The following ETFB variants were observed in gnomAD, a reference collection of about 807,000 sequenced individuals.
ETFB encodes the protein beta-ETF.
A neutral mutation model predicts 25.6 loss-of-function variants in ETFB; 20 were observed. The observed-to-expected ratio is 0.78, with a 90% CI of 0.55 to 1.14. ETFB has a LOEUF of 1.14. Ranked by LOEUF, ETFB falls within the 50% of genes most tolerant of loss-of-function variation. The pLI is 0.00. For missense variants in ETFB, 286 were observed against 342.6 expected (o/e 0.83, Z 1.30); for synonymous variants, 142 against 146.7 (o/e 0.97, Z 0.23).
Position 51,364,474 on chromosome 19 carries a change from C to T in ETFB, c.57+1796G>A, listed in dbSNP as rs1369314300. Among the ~76,000 whole-genome samples, 3 of 152,290 alleles carry T rather than the reference C, an allele frequency of 2.0e-5. No homozygotes were observed. In the East Asian group the frequency reaches 5.8e-4, roughly 29 times the overall value. On this transcript the variant is annotated intron_variant, in intron 1 of 5. Transcript: ENST00000309244. ...TCTCCCTGAGCACACCAGAGACATCCATGTGCCAGGCTCTGTGCTGAGTGA... is the reference window on the plus strand; with the variant it reads ...TCTCCCTGAGCACACCAGAGACATCTATGTGCCAGGCTCTGTGCTGAGTGA...
At position 51,354,198 on chromosome 19, in the gene ETFB, C is replaced by G. The variant is rs764083482; in HGVS notation, c.168G>C (p.Lys56Asn). 5.6e-6 allele frequency: 9 copies of G among 1,614,168 alleles called. No individual in the cohort carries two copies. The highest frequency in any genetic ancestry group is 7.6e-6 in the Non-Finnish European group (9 of 1,180,026). Residue 56 changes from lysine to asparagine, a missense_variant, in exon 2 of 6, where the codon AAG becomes AAC. Physicochemically the swap from Lys to Asn is moderately conservative, Grantham distance 94. Coordinates refer to ENST00000309244, the MANE Select transcript of ETFB (RefSeq NM_001985.3). ...TGACGGCGATGACCTCCTTCACCAG[C>G]TTCTTCTCCTTGAGCCGCACAGCCT... is the stretch of plus-strand genomic sequence containing the variant. ...VEEAVRLKEK[K>N]LVKEVIAVSC...
chr19:51,360,313 A>T (rs1265133546), intron 1 of ETFB, among the ~76,000 whole-genome samples: 1 of 151,612 alleles, frequency 6.6e-6, no homozygotes, highest in East Asian at 1.9e-4. Context: ...GAGGGAGGAG[A>T]ATCACTTGAA....
chr19:51,349,447 C>T (rs368065535), intron 4 of ETFB, among the ~76,000 whole-genome samples: 17 of 134,176 alleles, frequency 1.3e-4, no homozygotes, highest in South Asian at 2.2e-4. Context: ...TGCCTTGCTT[C>T]TTTTTTTTTT....
At chr19:51,355,977 G>C (rs1303791255) in intron 1 of ETFB, 1 of 150,950 alleles carries the variant, frequency 6.6e-6, no homozygotes, top group African/African-American at 2.4e-5. Flanking sequence ...AGCATTAGGA[G>C]ATATACCTAA....
chr19:51,350,108 G>A (rs1190279772), intron 4 of ETFB: 11 of 517,670 alleles, frequency 2.1e-5, no homozygotes, highest in South Asian at 1.4e-4. Context: ...AGAGTTGAGC[G>A]GGTGGGCATG....
intron 2 of ETFB, 34 bp downstream of exon 2, chr19:51,354,116 A>G: frequency 6.2e-7 from 1 of 1,607,986 alleles, no homozygotes; most frequent in South Asian, 1.1e-5. Context: ...CGTCAGACCC[A>G]GGAGTCCAGC....
chr19:51,361,106 T>C (rs1986214509), intron 1 of ETFB, among the ~76,000 whole-genome samples: 1 of 151,888 alleles, frequency 6.6e-6, no homozygotes, highest in South Asian at 2.1e-4. Flanking sequence ...AATTTTTTTA[T>C]TTTTAGTAGA....
At chr19:51,363,320 C>T (rs1402247076) in intron 1 of ETFB, among the ~76,000 whole-genome samples, 1 of 152,060 alleles carries the variant, frequency 6.6e-6, no homozygotes, top group African/African-American at 2.4e-5. Flanking sequence ...GGATCCCAAT[C>T]CAGTCTGGCG....
At position 51,345,325 on chromosome 19, in the gene ETFB, C is replaced by G; in HGVS notation, c.654G>C (p.Leu218=). 1 of 1,614,124 alleles carries G rather than the reference C, an allele frequency of 6.2e-7. No individual in the cohort carries two copies. The highest frequency in any genetic ancestry group is 8.5e-7 in the Non-Finnish European group (1 of 1,180,014). The change falls in exon 6 of 6, where the codon CTG becomes CTC. Residue 218 remains leucine, a synonymous_variant. Transcript: ENST00000309244. The part of the protein sequence containing the change: ...VIKPGDLGVD[L]TSKLSVISVE... ...CACTGATCACAGAGAGCTTGGAGGT[C>G]AGGTCCACACCCAGGTCCCCAGGCT...
chr19:51,354,192 C>T lies in ETFB; in HGVS notation c.174G>A (p.Val58=), dbSNP rs767608788. The change falls in exon 2 of 6, where the codon GTG becomes GTA. Residue 58 remains valine, a synonymous_variant. Coordinates refer to ENST00000309244, the MANE Select transcript of ETFB (RefSeq NM_001985.3). ...EAVRLKEKKL[V]KEVIAVSCGP... The stretch of plus-strand genomic sequence containing the variant: ...CACAGCTGACGGCGATGACCTCCTT[C>T]ACCAGCTTCTTCTCCTTGAGCCGCA... 6 of 1,614,060 alleles carry T rather than the reference C, an allele frequency of 3.7e-6. No individual in the cohort carries two copies. In the East Asian group the frequency reaches 1.3e-4, roughly 36 times the overall value.
intron 4 of ETFB, 89 bp downstream of exon 4, chr19:51,350,240 G>A (rs1985898797): frequency 2.1e-6 from 3 of 1,433,042 alleles, no homozygotes; most frequent in Admixed American, 3.9e-5. Flanking sequence ...CAGGAGGAGA[G>A]AACAGCAAAT....
At chr19:51,349,534 A>ACGTCCTGAACTCAAGGGAT (rs1285856894) in intron 4 of ETFB, among the ~76,000 whole-genome samples, 1 of 144,166 alleles carries the variant, frequency 6.9e-6, no homozygotes, top group East Asian at 2.0e-4. Flanking sequence ...TGCAGTCTTG[A>ACGTCCTGAACTCAAGGGAT]CCTCCTGAAC....
At chr19:51,358,709 G>A (rs1408410460) in intron 1 of ETFB, among the ~76,000 whole-genome samples, 2 of 152,112 alleles carry the variant, frequency 1.3e-5, no homozygotes, top group Non-Finnish European at 2.9e-5. Flanking sequence ...CTCAGAGGCT[G>A]GGGCAGGGAG....
chr19:51,353,103 G>A, intron 3 of ETFB, 29 bp downstream of exon 3: 1 of 1,613,378 alleles, frequency 6.2e-7, no homozygotes, highest in Non-Finnish European at 8.5e-7. Flanking sequence ...GATGAGCAAG[G>A]GGGCACAGGG....
At chr19:51,347,292 G>A in intron 4 of ETFB, 1 of 554,194 alleles carries the variant, frequency 1.8e-6, no homozygotes, top group Non-Finnish European at 3.3e-6. Context: ...TGCTGCCAGT[G>A]AGGCCTCCCT....
At chr19:51,358,899 T>C (rs1986151999) in intron 1 of ETFB, among the ~76,000 whole-genome samples, 1 of 151,100 alleles carries the variant, frequency 6.6e-6, no homozygotes, top group Non-Finnish European at 1.5e-5. Flanking sequence ...CTCAGGAGGC[T>C]GAGGCGGGAG....
rs770890099 is a variant in ETFB, at chr19:51,347,029, C to A, written c.468G>T (p.Glu156Asp). The A allele has an allele frequency of 6.2e-7, 1 of 1,613,772 alleles. No homozygotes were observed. Among genetic ancestry groups the A allele is most frequent in the East Asian group, 2.2e-5 (1 of 44,854 alleles). Residue 156 changes from glutamate to aspartate, a missense_variant, in exon 5 of 6, where the codon GAG (glutamate) becomes GAT (aspartate). Transcript: ENST00000309244. The part of the protein sequence containing the change: ...QGTFASQVTL[E>D]GDKLKVEREI... ...CCCGCTCCACTTTCAACTTGTCCCCCTCCAGCGTCACCTGGGAGGCGAATG... is the reference window on the plus strand; with the variant it reads ...CCCGCTCCACTTTCAACTTGTCCCCATCCAGCGTCACCTGGGAGGCGAATG...
In ETFB at chr19:51,347,053, T is replaced by C; in HGVS notation, c.444A>G (p.Thr148=). 1 of 1,614,026 alleles carries C rather than the reference T, an allele frequency of 6.2e-7. No homozygotes were observed. Among genetic ancestry groups the C allele is most frequent in the East Asian group, 2.2e-5 (1 of 44,878 alleles). ...CCTCCAGCGTCACCTGGGAGGCGAA[T>C]GTGCCCTGGGGAGGGACAGTGTAGG... ...TAGFLDWPQG[T]FASQVTLEGD... Residue 148 remains threonine (T), a synonymous_variant, in exon 5 of 6, where the codon ACA becomes ACG. Coordinates refer to ENST00000309244, the MANE Select transcript of ETFB (RefSeq NM_001985.3).
chr19:51,351,852 G>C (rs1365596216), intron 3 of ETFB, among the ~76,000 whole-genome samples: 1 of 152,014 alleles, frequency 6.6e-6, no homozygotes, highest in Admixed American at 6.5e-5. Context: ...AGCTCTACCT[G>C]AGCCTGCTGT....
Sources: gnomAD v4.1 joint callset for allele counts (sites outside exome capture counted in the v4.1 genomes callset) on GRCh38, gnomAD v4.1.1 for gene constraint, MANE v1.5 for transcripts, NCBI Gene and HGNC (gene_info 2026-07-23, HGNC 2026-07-21) for gene names.